Variants in CDH18 observed in about 807,000 individuals in gnomAD.
CDH18 encodes the protein cadherin-18.
CDH18 carries 31 observed loss-of-function variants against 67.9 expected under a neutral mutation model. That is an observed-to-expected ratio of 0.46 (90% CI 0.34 to 0.62). The LOEUF is 0.62. Among genes scored for constraint, CDH18 ranks in the 20% least tolerant of loss-of-function variants. CDH18 has a pLI of 0.01. For synonymous variants in CDH18, 362 were observed against 347.2 expected, an observed-to-expected ratio of 1.04 and a Z score of -0.48; for missense variants, 890 against 975.5, an observed-to-expected ratio of 0.91 and a Z score of 1.17.
intron 1 of CDH18, among the ~76,000 whole-genome samples, chr5:20,551,097 T>C (rs551225123): frequency 1.5e-4 from 23 of 152,160 alleles, no homozygotes; most frequent in Non-Finnish European, 2.5e-4. Context: ...AAAAACGTGC[T>C]AAAATAATAA....
intron 1 of CDH18, among the ~76,000 whole-genome samples, chr5:20,555,408 CTTTTTTTT>C (rs774396694): frequency 6.8e-5 from 7 of 103,648 alleles, no homozygotes; most frequent in African/African-American, 2.5e-4. Flanking sequence ...ACAAGCTTTT[CTTTTTTTT>C]TTTTTTTTTT....
chr5:19,991,032 C>T (rs1799952976), upstream of CDH18, among the ~76,000 whole-genome samples: 1 of 152,134 alleles, frequency 6.6e-6, no homozygotes, highest in South Asian at 2.1e-4. Flanking sequence ...TAGCTGGAGA[C>T]AGAGACACAT....
intron 1 of CDH18, among the ~76,000 whole-genome samples, chr5:20,414,282 G>A (rs1190697747): frequency 6.9e-6 from 1 of 145,250 alleles, no homozygotes; most frequent in East Asian, 2.1e-4. Context: ...CACCCCAGGT[G>A]CTCATAAAAA....
Position 20,534,061 on chromosome 5 carries a change from G to A in CDH18, c.-580+41401C>T, listed in dbSNP as rs548449284. Among the ~76,000 whole-genome samples, 36 of 152,080 alleles carry A rather than the reference G, an allele frequency of 2.4e-4. 1 individual carries two copies. The South Asian group carries it at 7.2e-3, about 31-fold the overall frequency. ...AATTAACATTTTCATAAAGAAAAGT[G>A]TCTTGAATATATGAAGTACATTAGA... is the stretch of plus-strand genomic sequence containing the variant. On this transcript the variant is annotated intron_variant, in intron 1 of 14. Coordinates refer to the CDH18 transcript ENST00000507958.
intron 1 of CDH18, among the ~76,000 whole-genome samples, chr5:20,453,618 T>C (rs1406127782): frequency 6.6e-6 from 1 of 151,698 alleles, no homozygotes; most frequent in Non-Finnish European, 1.5e-5. Flanking sequence ...TGTGTGTGTA[T>C]ATATATATGT....
intron 1 of CDH18, among the ~76,000 whole-genome samples, chr5:20,460,454 T>C (rs1751183936): frequency 6.6e-6 from 1 of 151,478 alleles, no homozygotes; most frequent in Non-Finnish European, 1.5e-5. Flanking sequence ...ATATGTTGCG[T>C]GACTGAGGCA....
At chr5:20,169,734 A>G (rs887034386) in intron 2 of CDH18, among the ~76,000 whole-genome samples, 1 of 152,156 alleles carries the variant, frequency 6.6e-6, no homozygotes, top group Non-Finnish European at 1.5e-5. Context: ...CAGACTCACT[A>G]TGATGTTAGC....
chr5:19,747,136 A>G lies in CDH18; in HGVS notation c.329T>C (p.Ile110Thr), dbSNP rs1357362280. Residue 110 changes from isoleucine to threonine, a missense_variant, in exon 4 of 13, where the codon ATC becomes ACC. Transcript: ENST00000382275. The stretch of plus-strand genomic sequence containing the variant: ...TCTGTCTAGGCTTTTTGTTGAGTGG[A>G]TATCACCCGTGGTATCGTCAATGAT... ...IFIIDDTTGD[I>T]HSTKSLDREQ... 6.2e-7 allele frequency: 1 copy of G among 1,613,950 alleles called. No individual in the cohort carries two copies. Among genetic ancestry groups the G allele is most frequent in the Non-Finnish European group, 8.5e-7 (1 of 1,179,974 alleles).
At chr5:19,515,538 T>C (rs1745845792) in intron 10 of CDH18, among the ~76,000 whole-genome samples, 1 of 152,196 alleles carries the variant, frequency 6.6e-6, no homozygotes, top group African/African-American at 2.4e-5. Flanking sequence ...GTGGTTGGTT[T>C]GCAGTTCTCC....
intron 2 of CDH18, among the ~76,000 whole-genome samples, chr5:20,094,462 A>C (rs1216471521): frequency 1.3e-5 from 2 of 152,140 alleles, no homozygotes; most frequent in Non-Finnish European, 2.9e-5. Context: ...TTTTGGTTCC[A>C]TATGAAATTT....
At chr5:20,265,189 T>C (rs10066086) in intron 1 of CDH18, among the ~76,000 whole-genome samples, 16,601 of 152,146 alleles carry the variant, frequency 0.11, 1,469 homozygotes, top group African/African-American at 0.24. Context: ...GTCCTTTTCT[T>C]TAACTACACT....
chr5:20,557,731 G>C (rs1026690744), intron 1 of CDH18, among the ~76,000 whole-genome samples: 3 of 151,912 alleles, frequency 2.0e-5, no homozygotes, highest in Non-Finnish European at 4.4e-5. Flanking sequence ...ACAGACATCT[G>C]GTGCGTGGAC....
At chr5:20,164,697 C>T (rs763597731) in intron 2 of CDH18, among the ~76,000 whole-genome samples, 30 of 152,228 alleles carry the variant, frequency 2.0e-4, no homozygotes, top group Non-Finnish European at 4.1e-4. Context: ...GAATCATTCT[C>T]AAAGTTTTTA....
intron 5 of CDH18, among the ~76,000 whole-genome samples, chr5:19,719,422 G>C (rs1765727959): frequency 6.6e-6 from 1 of 151,820 alleles, no homozygotes; most frequent in African/African-American, 2.4e-5. Context: ...TTTTAAGGTA[G>C]GAATTTATAT....
intron 5 of CDH18, among the ~76,000 whole-genome samples, chr5:19,656,277 T>C (rs1202420538): frequency 6.6e-6 from 1 of 152,104 alleles, no homozygotes; most frequent in East Asian, 1.9e-4. Flanking sequence ...AGTCTAGTGA[T>C]AATAATAATT....
intron 5 of CDH18, among the ~76,000 whole-genome samples, chr5:19,689,467 C>T (rs1331629254): frequency 6.6e-6 from 1 of 151,828 alleles, no homozygotes; most frequent in Non-Finnish European, 1.5e-5. Flanking sequence ...AATAGTCTTT[C>T]CCAGACAAGC....
rs1768446541 is a variant in CDH18, at chr5:19,737,148, T to C, written c.523+9794A>G. Among the ~76,000 whole-genome samples the C allele has an allele frequency of 2.0e-5, 3 of 152,060 alleles. 1 individual carries two copies. The South Asian group carries it at 6.2e-4, about 32-fold the overall frequency. On this transcript the variant is annotated intron_variant, in intron 4 of 12. Transcript: ENST00000382275. ...CCCTCACCTTCTACCTTCACAGTGT[T>C]TTTTTTCTATATCCAATTGCTGTGT... is the stretch of plus-strand genomic sequence containing the variant.
intron 5 of CDH18, among the ~76,000 whole-genome samples, chr5:19,686,540 G>A (rs914630615): frequency 1.3e-5 from 2 of 152,080 alleles, no homozygotes; most frequent in Non-Finnish European, 2.9e-5. Flanking sequence ...CTATTTATGT[G>A]CGCGCACCTA....
intron 5 of CDH18, among the ~76,000 whole-genome samples, chr5:19,719,767 A>C (rs968017956): frequency 3.3e-5 from 5 of 151,902 alleles, no homozygotes; most frequent in Non-Finnish European, 7.4e-5. Flanking sequence ...AATGCATATA[A>C]GGATATTTAT....
Sources: gnomAD v4.1 joint callset for allele counts (sites outside exome capture counted in the v4.1 genomes callset) on GRCh38, gnomAD v4.1.1 for gene constraint, MANE v1.5 for transcripts, NCBI Gene and HGNC (gene_info 2026-07-23, HGNC 2026-07-21) for gene names.